Variants in AIG1 observed in about 807,000 individuals in gnomAD.
AIG1 encodes the protein androgen-induced gene 1 protein.
In AIG1, 23 loss-of-function variants were observed where a neutral mutation model predicts 31.4. The ratio of observed to expected loss-of-function variants is 0.73; its 90% CI spans 0.53 to 1.04. The LOEUF is 1.04. AIG1 is among the 50% of genes least tolerant of loss of function. The probability of loss-of-function intolerance (pLI) is 0.00; values close to 1 mark genes in which losing one functional copy is unlikely to be tolerated. For synonymous variants in AIG1, 100 were observed against 110.5 expected, an observed-to-expected ratio of 0.90 and a Z score of 0.60; for missense variants, 274 against 295.0, an observed-to-expected ratio of 0.93 and a Z score of 0.52.
chr6:143,302,756 G>A (rs974753781), intron 4 of AIG1, among the ~76,000 whole-genome samples: 1 of 152,126 alleles, frequency 6.6e-6, no homozygotes, highest in South Asian at 2.1e-4. Context: ...GGGATGGCTG[G>A]GTCAAATGGC....
rs535552694 is a variant in AIG1 at position 143,081,770 on chromosome 6, C to T, written c.141+20704C>T. 1.1e-4 allele frequency among the ~76,000 whole-genome samples: 16 copies of T among 152,208 alleles called. No individual in the cohort carries two copies. The East Asian group carries it at 2.9e-3, about 28-fold the overall frequency. ...TATTTTTTCTTTGGTGGCTGGCCAT[C>T]CTGAGGAGAGGAAACTATGTCCTCG... On this transcript the variant is annotated intron_variant, in intron 1 of 5. Coordinates refer to ENST00000357847, the MANE Select transcript of AIG1 (RefSeq NM_016108.4).
intron 1 of AIG1, among the ~76,000 whole-genome samples, chr6:143,101,837 C>G (rs1015637785): frequency 2.6e-5 from 4 of 152,222 alleles, no homozygotes; most frequent in African/African-American, 9.6e-5. Flanking sequence ...ATAAAAACTT[C>G]TACTCTAAAA....
At chr6:143,302,063 T>C (rs1248665594) in intron 4 of AIG1, among the ~76,000 whole-genome samples, 1 of 152,126 alleles carries the variant, frequency 6.6e-6, no homozygotes, top group South Asian at 2.1e-4. Context: ...TAGAATAGTT[T>C]CATTAATGCT....
At chr6:143,226,394 C>T (rs942509987) in intron 3 of AIG1, among the ~76,000 whole-genome samples, 3 of 151,890 alleles carry the variant, frequency 2.0e-5, no homozygotes, top group Non-Finnish European at 4.4e-5. Context: ...CGTGCCCCAC[C>T]GTGCCCAGCT....
At chr6:143,306,046 A>T (rs1030380434) in intron 4 of AIG1, among the ~76,000 whole-genome samples, 2 of 146,602 alleles carry the variant, frequency 1.4e-5, no homozygotes, top group Non-Finnish European at 3.0e-5. Flanking sequence ...TAGGATTGCA[A>T]CCCCTGCCTT....
intron 3 of AIG1, among the ~76,000 whole-genome samples, chr6:143,266,442 A>G (rs1334117447): frequency 6.6e-6 from 1 of 151,922 alleles, no homozygotes; most frequent in Non-Finnish European, 1.5e-5. Flanking sequence ...TTAATCAGGG[A>G]TACTTACTGT....
In AIG1 at chr6:143,280,380, C is replaced by G. The variant is rs114989109; in HGVS notation, c.400-3730C>G. On this transcript the variant is annotated intron_variant, in intron 3 of 5. Transcript: ENST00000357847. The surrounding 1 kb of genome is among the most constrained non-coding windows in gnomAD (Gnocchi z 4.1). ...GCAATCCCATCACTGGGTACGTGCCCAGAAGAATAGAAATCATTCTACCAT... is the reference window on the plus strand; with the variant it reads ...GCAATCCCATCACTGGGTACGTGCCGAGAAGAATAGAAATCATTCTACCAT... Among the ~76,000 whole-genome samples, 1,221 of 152,248 alleles carry G rather than the reference C, an allele frequency of 8.0e-3. 14 individuals carry two copies. Among genetic ancestry groups the G allele is most frequent in the African/African-American group, 0.027 (1,110 of 41,526 alleles).
chr6:143,093,108 A>G (rs190447109), intron 1 of AIG1, among the ~76,000 whole-genome samples: 11 of 152,308 alleles, frequency 7.2e-5, no homozygotes, highest in African/African-American at 2.6e-4. Context: ...GAAGCCAGGC[A>G]TTGACTTCTC....
chr6:143,127,406 A>G (rs893643271), intron 1 of AIG1, among the ~76,000 whole-genome samples: 1 of 152,188 alleles, frequency 6.6e-6, no homozygotes, highest in African/African-American at 2.4e-5. Context: ...ACCATCTTCA[A>G]GACAAATCTA....
intron 3 of AIG1, among the ~76,000 whole-genome samples, chr6:143,240,159 G>C (rs1010566751): frequency 6.6e-6 from 1 of 152,152 alleles, no homozygotes; most frequent in East Asian, 1.9e-4. Flanking sequence ...TTTACTTTGG[G>C]CAAGTCACTT....
In AIG1 at chr6:143,229,166, A is replaced by G. The variant is rs557296387; in HGVS notation, c.400-54944A>G. On this transcript the variant is annotated intron_variant, in intron 3 of 5. Coordinates refer to ENST00000357847, the MANE Select transcript of AIG1 (RefSeq NM_016108.4). The stretch of plus-strand genomic sequence containing the variant: ...TGAAGACAGCAGCTCTGTTTCTTGC[A>G]ATTTGAACAAAGCACATGAAACAAT... 2.6e-5 allele frequency among the ~76,000 whole-genome samples: 4 copies of G among 152,360 alleles called. No homozygotes were observed. The South Asian group carries it at 8.3e-4, about 32-fold the overall frequency.
chr6:143,154,335 G>A (rs989074492), intron 2 of AIG1, among the ~76,000 whole-genome samples: 2 of 152,084 alleles, frequency 1.3e-5, no homozygotes, highest in African/African-American at 4.8e-5. Flanking sequence ...AGTCAAGCCA[G>A]CCTTAATAAA....
chr6:143,216,472 G>T (rs562758738), intron 3 of AIG1, among the ~76,000 whole-genome samples: 8 of 152,330 alleles, frequency 5.3e-5, no homozygotes, highest in South Asian at 2.1e-4. Flanking sequence ...CTTTCAGGCT[G>T]CCTGGATGAT....
intron 3 of AIG1, among the ~76,000 whole-genome samples, chr6:143,257,858 G>T (rs1238068173): frequency 1.3e-5 from 2 of 152,160 alleles, no homozygotes; most frequent in Admixed American, 6.5e-5. Context: ...AATACTATAT[G>T]TGGAGGATGG....
intron 3 of AIG1, among the ~76,000 whole-genome samples, chr6:143,179,674 A>G (rs992218211): frequency 3.3e-5 from 5 of 152,168 alleles, no homozygotes; most frequent in African/African-American, 1.2e-4. Context: ...TCAGCAACCA[A>G]TCCTAGAATT....
intron 3 of AIG1, among the ~76,000 whole-genome samples, chr6:143,251,809 C>T (rs573236397): frequency 7.2e-5 from 11 of 152,288 alleles, no homozygotes; most frequent in African/African-American, 9.6e-5. Context: ...TACATCTACA[C>T]GCTGGATAAG....
At chr6:143,069,880 A>G (rs1452818370) in intron 1 of AIG1, among the ~76,000 whole-genome samples, 2 of 152,164 alleles carry the variant, frequency 1.3e-5, no homozygotes, top group Non-Finnish European at 2.9e-5. Flanking sequence ...ATTTTTATCT[A>G]TAATCCTTTT....
At chr6:143,249,652 A>G (rs1189493796) in intron 3 of AIG1, among the ~76,000 whole-genome samples, 1 of 152,116 alleles carries the variant, frequency 6.6e-6, no homozygotes, top group Non-Finnish European at 1.5e-5. Flanking sequence ...TGGTTTCTCC[A>G]CTGTTACAGA....
At chr6:143,238,529 T>C (rs1793983504) in intron 3 of AIG1, among the ~76,000 whole-genome samples, 1 of 152,184 alleles carries the variant, frequency 6.6e-6, no homozygotes, top group African/African-American at 2.4e-5. Context: ...TCATAACTTG[T>C]CCTTTGGGTC....
Sources: allele counts gnomAD v4.1 joint callset (sites outside exome capture counted in the v4.1 genomes callset), GRCh38; gene constraint gnomAD v4.1.1; non-coding constraint Gnocchi (gnomAD v3.1); transcripts MANE v1.5; gene names NCBI Gene and HGNC (gene_info 2026-07-23, HGNC 2026-07-21).